Variants in LHFPL3 observed in about 807,000 individuals in gnomAD.
LHFPL3 encodes LHFPL tetraspan subfamily member 3, also known as LHFPL tetraspan subfamily member 3 protein.
Under a neutral mutation model 19.3 loss-of-function variants are expected in LHFPL3, and 5 were observed. The ratio of observed to expected loss-of-function variants is 0.26; its 90% CI spans 0.14 to 0.54. The LOEUF is 0.54. LHFPL3 is among the 20% of genes least tolerant of loss of function. The pLI is 0.94. For missense variants in LHFPL3, 249 were observed against 307.4 expected, an observed-to-expected ratio of 0.81 and a Z score of 1.42; for synonymous variants, 133 against 126.2, an observed-to-expected ratio of 1.05 and a Z score of -0.36.
At chr7:104,643,673 T>C (rs1314657077) in intron 1 of LHFPL3, among the ~76,000 whole-genome samples, 1 of 152,220 alleles carries the variant, frequency 6.6e-6, no homozygotes, top group Non-Finnish European at 1.5e-5. Flanking sequence ...AATTATTTGG[T>C]CTGAGATGCA....
intron 1 of LHFPL3, among the ~76,000 whole-genome samples, chr7:104,657,550 G>T (rs955862402): frequency 6.6e-6 from 1 of 152,198 alleles, no homozygotes; most frequent in African/African-American, 2.4e-5. Flanking sequence ...CAGCAGCCCT[G>T]CAAGGTAGAC....
intron 1 of LHFPL3, among the ~76,000 whole-genome samples, chr7:104,498,907 A>G (rs958139891): frequency 6.6e-6 from 1 of 152,240 alleles, no homozygotes; most frequent in African/African-American, 2.4e-5. Flanking sequence ...AAATTTTAAA[A>G]TGGAAAGTTG....
chr7:104,373,355 A>G (rs913911208), intron 1 of LHFPL3, among the ~76,000 whole-genome samples: 1 of 152,248 alleles, frequency 6.6e-6, no homozygotes, highest in Admixed American at 6.5e-5. Flanking sequence ...ATGAATGTTT[A>G]GTTGGATGAA....
At chr7:104,495,626 G>A (rs184401554) in intron 1 of LHFPL3, among the ~76,000 whole-genome samples, 12 of 152,230 alleles carry the variant, frequency 7.9e-5, no homozygotes, top group South Asian at 2.1e-4. Flanking sequence ...CTCATGATCT[G>A]CCCGCCTTGG....
At chr7:104,900,732 T>C (rs1340960706) in intron 2 of LHFPL3, among the ~76,000 whole-genome samples, 2 of 152,176 alleles carry the variant, frequency 1.3e-5, no homozygotes, top group African/African-American at 4.8e-5. Flanking sequence ...TTAGATAGCC[T>C]GGACAATAGG....
intron 1 of LHFPL3, among the ~76,000 whole-genome samples, chr7:104,643,486 AT>A (rs1791873748): frequency 6.6e-6 from 1 of 152,186 alleles, no homozygotes; most frequent in South Asian, 2.1e-4. Flanking sequence ...TACACTGTAT[AT>A]TTTTGTATGG....
intron 1 of LHFPL3, among the ~76,000 whole-genome samples, chr7:104,576,744 T>G (rs981169928): frequency 5.3e-5 from 8 of 152,190 alleles, no homozygotes; most frequent in African/African-American, 1.4e-4. Flanking sequence ...TCTTATACCT[T>G]GACCTACAGG....
At chr7:104,391,896 T>A (rs1791077968) in intron 1 of LHFPL3, among the ~76,000 whole-genome samples, 1 of 152,198 alleles carries the variant, frequency 6.6e-6, no homozygotes, top group South Asian at 2.1e-4. Flanking sequence ...GAAGAGGTCC[T>A]TCACATCCCT....
At chr7:104,843,448 C>G (rs1030479375) in intron 2 of LHFPL3, among the ~76,000 whole-genome samples, 1 of 152,190 alleles carries the variant, frequency 6.6e-6, no homozygotes, top group African/African-American at 2.4e-5. Context: ...GCAAGGCTCC[C>G]CAATGGACTT....
intron 1 of LHFPL3, among the ~76,000 whole-genome samples, chr7:104,701,132 G>A (rs535410908): frequency 4.6e-5 from 7 of 152,140 alleles, no homozygotes; most frequent in African/African-American, 1.7e-4. Flanking sequence ...TAAAATTCGG[G>A]AATGAAAATC....
intron 1 of LHFPL3, among the ~76,000 whole-genome samples, chr7:104,559,610 A>G (rs1293820106): frequency 6.6e-6 from 1 of 152,154 alleles, no homozygotes; most frequent in Non-Finnish European, 1.5e-5. Context: ...TAGATATACA[A>G]TCATGTCATC....
intron 1 of LHFPL3, among the ~76,000 whole-genome samples, chr7:104,659,892 G>A (rs1426253755): frequency 1.3e-5 from 2 of 152,092 alleles, no homozygotes; most frequent in Non-Finnish European, 2.9e-5. Flanking sequence ...CCCCTGGTGT[G>A]CCTGCTGGCC....
At chr7:104,879,144 T>C (rs1411559699) in intron 2 of LHFPL3, among the ~76,000 whole-genome samples, 1 of 152,106 alleles carries the variant, frequency 6.6e-6, no homozygotes, top group Non-Finnish European at 1.5e-5. Flanking sequence ...GGGCTGGCCA[T>C]GGTGGCTCAC....
chr7:104,549,340 ATAT>A (rs1332272721), intron 1 of LHFPL3, among the ~76,000 whole-genome samples: 1 of 152,150 alleles, frequency 6.6e-6, no homozygotes, highest in Admixed American at 6.5e-5. Context: ...CACATGGTAA[ATAT>A]TATTGATTAG....
chr7:104,743,620 C>A (rs1014651012), intron 2 of LHFPL3, among the ~76,000 whole-genome samples: 3 of 152,152 alleles, frequency 2.0e-5, no homozygotes, highest in African/African-American at 7.2e-5. Flanking sequence ...CATTACTAAG[C>A]ATTTTCCCAT....
intron 2 of LHFPL3, among the ~76,000 whole-genome samples, chr7:104,761,829 C>T (rs980551183): frequency 1.3e-5 from 2 of 152,128 alleles, no homozygotes; most frequent in South Asian, 4.1e-4. Context: ...CACAGAATAC[C>T]ATATTGCCAT....
At chr7:104,756,703 T>G (rs1453291046) in intron 2 of LHFPL3, among the ~76,000 whole-genome samples, 2 of 152,140 alleles carry the variant, frequency 1.3e-5, no homozygotes, top group Non-Finnish European at 2.9e-5. Flanking sequence ...TTTCACCATG[T>G]TGACTAGGCT....
At chr7:104,391,325 G>A (rs144045514) in intron 1 of LHFPL3, among the ~76,000 whole-genome samples, 1,564 of 152,258 alleles carry the variant, frequency 0.01, 28 homozygotes, top group Non-Finnish European at 0.013. Flanking sequence ...TAGGTCTAAC[G>A]TTTAAGTCTT....
At chr7:104,447,900 A>G (rs1238397045) in intron 1 of LHFPL3, among the ~76,000 whole-genome samples, 1 of 152,170 alleles carries the variant, frequency 6.6e-6, no homozygotes, top group Admixed American at 6.5e-5. Flanking sequence ...CACATGTACT[A>G]TGTTAAGTTG....
Sources: gnomAD v4.1 joint callset for allele counts (sites outside exome capture counted in the v4.1 genomes callset) on GRCh38, gnomAD v4.1.1 for gene constraint, MANE v1.5 for transcripts, NCBI Gene and HGNC (gene_info 2026-07-23, HGNC 2026-07-21) for gene names.